Variants in PLCH1 observed in about 807,000 individuals in gnomAD.
PLCH1 encodes phospholipase C eta 1.
PLCH1 carries 60 observed loss-of-function variants against 126.7 expected under a neutral mutation model. That is an observed-to-expected ratio of 0.47 (90% confidence interval 0.38 to 0.59). The LOEUF (loss-of-function observed/expected upper bound fraction) is 0.59. Ranked by LOEUF, PLCH1 falls within the 20% of genes least tolerant of loss-of-function variation. The probability of loss-of-function intolerance (pLI) is 0.00; values close to 1 mark genes in which losing one functional copy is unlikely to be tolerated. For missense variants in PLCH1, 1,723 were observed against 2,040.0 expected (o/e 0.84, Z 2.99); for synonymous variants, 719 against 734.9 (o/e 0.98, Z 0.35).
intron 2 of PLCH1, among the ~76,000 whole-genome samples, chr3:155,686,185 C>A (rs1354720857): frequency 1.3e-5 from 2 of 151,982 alleles, no homozygotes; most frequent in Non-Finnish European, 2.9e-5. Context: ...ATAAAGCAAA[C>A]TGGATAAAAG....
intron 2 of PLCH1, among the ~76,000 whole-genome samples, chr3:155,685,407 C>A (rs1744860601): frequency 6.6e-6 from 1 of 152,124 alleles, no homozygotes; most frequent in Admixed American, 6.5e-5. Context: ...ACACTTCAGC[C>A]TAGTGATTTA....
intron 2 of PLCH1, among the ~76,000 whole-genome samples, chr3:155,656,083 T>C (rs1185549701): frequency 6.6e-6 from 1 of 151,988 alleles, no homozygotes; most frequent in Non-Finnish European, 1.5e-5. Context: ...AGGGATAATT[T>C]CCTAAAAAGA....
chr3:155,493,448 T>C (rs941686810), intron 17 of PLCH1, among the ~76,000 whole-genome samples: 3 of 152,184 alleles, frequency 2.0e-5, no homozygotes, highest in Admixed American at 6.5e-5. Context: ...AGTGCAGTGG[T>C]GTGATCTTGG....
chr3:155,642,030 G>T (rs1739457157), intron 2 of PLCH1, among the ~76,000 whole-genome samples: 1 of 152,136 alleles, frequency 6.6e-6, no homozygotes, highest in Non-Finnish European at 1.5e-5. Flanking sequence ...AATAAAAAAA[G>T]AATAGCTAAA....
At chr3:155,451,049 CAA>C (rs1264326565) in intron 21 of PLCH1, among the ~76,000 whole-genome samples, 2 of 151,862 alleles carry the variant, frequency 1.3e-5, no homozygotes, top group African/African-American at 4.8e-5. Context: ...AAATCTATGA[CAA>C]GTTGAGTAAC....
At chr3:155,517,917 G>A (rs1184231857) in intron 11 of PLCH1, among the ~76,000 whole-genome samples, 1 of 152,148 alleles carries the variant, frequency 6.6e-6, no homozygotes, top group African/African-American at 2.4e-5. Context: ...GAGCCACAGG[G>A]AAATACAGAA....
At chr3:155,625,596 C>T (rs1003858014) in intron 2 of PLCH1, among the ~76,000 whole-genome samples, 1 of 152,180 alleles carries the variant, frequency 6.6e-6, no homozygotes. Context: ...CAAAAGAAGA[C>T]ATTTATGCAG....
At chr3:155,618,957 T>C (rs563708868) in intron 2 of PLCH1, among the ~76,000 whole-genome samples, 1 of 152,318 alleles carries the variant, frequency 6.6e-6, no homozygotes, top group South Asian at 2.1e-4. Flanking sequence ...TCAATTCCCA[T>C]ACTTTGCCCA....
At chr3:155,489,767 G>C (rs1715880512) in intron 19 of PLCH1, among the ~76,000 whole-genome samples, 1 of 152,102 alleles carries the variant, frequency 6.6e-6, no homozygotes, top group Non-Finnish European at 1.5e-5. Flanking sequence ...TACTCCATAA[G>C]TTTCTGTTTT....
At chr3:155,692,732 G>A (rs760107222) in intron 2 of PLCH1, among the ~76,000 whole-genome samples, 8 of 151,202 alleles carry the variant, frequency 5.3e-5, no homozygotes, top group Non-Finnish European at 1.0e-4. Context: ...AGCGAAATGA[G>A]GATAATATTA....
Position 155,549,948 on chromosome 3 carries a change from T to C in PLCH1, c.1201A>G (p.Ile401Val). The change falls in exon 10 of 23, where the codon ATA (isoleucine) becomes GTA (valine). Residue 401 changes from isoleucine (I) to valine (V), a missense_variant. Ile to Val is a conservative substitution (Grantham distance 29, BLOSUM62 3). Transcript: ENST00000460012. ...CTGCAGTGATTCTCGATAGACAATA[T>C]AACAGGAAACCTGAGAAAAGAGCAA... ...HAFVKNEFPV[I>V]LSIENHCSIQ... 3 of 1,613,500 alleles carry C rather than the reference T, an allele frequency of 1.9e-6. No individual in the cohort carries two copies. The highest frequency in any genetic ancestry group is 2.5e-6 in the Non-Finnish European group (3 of 1,179,714).
chr3:155,490,712 G>T, intron 19 of PLCH1, 72 bp downstream of exon 19: 1 of 857,908 alleles, frequency 1.2e-6, no homozygotes. Flanking sequence ...CTTCTACATA[G>T]ACACTTTTTT....
Position 155,481,981 on chromosome 3 carries a change from T to C in PLCH1, c.4045A>G (p.Ser1349Gly), listed in dbSNP as rs748954554. The C allele has an allele frequency of 1.2e-6, 2 of 1,614,136 alleles. No individual in the cohort carries two copies. The change falls in exon 23 of 23, where the codon AGC becomes GGC. Residue 1349 changes from serine (S) to glycine (G), a missense_variant. Ser to Gly is a moderately conservative substitution (Grantham distance 56). Coordinates refer to ENST00000460012, the MANE Select transcript of PLCH1 (RefSeq NM_014996.4). This position sits in a 1 kb window ranked among gnomAD's most constrained non-coding sequence, Gnocchi z 4.2. ...DPTLCFNSGE[S>G]SLVEIDGESE... ...TCTCCATCAATTTCCACAAGGCTGC[T>C]CTCCCCAGAATTGAAACAGAGAGTG...
chr3:155,457,038 C>T (rs537286673), intron 21 of PLCH1: 2 of 152,426 alleles, frequency 1.3e-5, no homozygotes, highest in Admixed American at 1.3e-4. Context: ...GCGAGAAGTC[C>T]CTGCTGATCC....
chr3:155,526,499 C>CACACACACAT (rs1457290521), intron 10 of PLCH1, among the ~76,000 whole-genome samples: 1 of 148,878 alleles, frequency 6.7e-6, no homozygotes, highest in Non-Finnish European at 1.5e-5. Flanking sequence ...TACACACACA[C>CACACACACAT]ACACACACAC....
At chr3:155,656,515 T>G (rs1741388454) in intron 2 of PLCH1, among the ~76,000 whole-genome samples, 1 of 152,226 alleles carries the variant, frequency 6.6e-6, no homozygotes, top group South Asian at 2.1e-4. Flanking sequence ...ATTAATGTAA[T>G]TCACCATTTC....
intron 14 of PLCH1, among the ~76,000 whole-genome samples, chr3:155,498,560 G>T (rs1383694570): frequency 1.3e-5 from 2 of 152,198 alleles, no homozygotes; most frequent in Admixed American, 1.3e-4. Flanking sequence ...CATGGCCTTT[G>T]CAGGGAGGAG....
intron 2 of PLCH1, among the ~76,000 whole-genome samples, chr3:155,633,049 G>C (rs947649470): frequency 2.0e-5 from 3 of 152,052 alleles, no homozygotes; most frequent in African/African-American, 7.2e-5. Flanking sequence ...AAGAACTCAA[G>C]TTTTTCTCTT....
chr3:155,708,377 G>T (rs1461128317), intron 1 of PLCH1, among the ~76,000 whole-genome samples: 2 of 152,144 alleles, frequency 1.3e-5, no homozygotes, highest in African/African-American at 4.8e-5. Context: ...TCACTAAAGG[G>T]ATTCAAGTGA....
Sources: gnomAD v4.1 joint callset for allele counts (sites outside exome capture counted in the v4.1 genomes callset) on GRCh38, gnomAD v4.1.1 for gene constraint, Gnocchi (gnomAD v3.1) non-coding constraint, MANE v1.5 for transcripts, NCBI Gene and HGNC (gene_info 2026-07-23, HGNC 2026-07-21) for gene names.